Variants in HMCN1 observed in about 807,000 individuals in gnomAD.
HMCN1 encodes hemicentin-1.
HMCN1 carries 321 observed loss-of-function variants against 625.9 expected under a neutral mutation model. That is an observed-to-expected ratio of 0.51 (90% CI 0.47 to 0.56). The LOEUF (loss-of-function observed/expected upper bound fraction) is 0.56. Ranked by LOEUF, HMCN1 falls within the 20% of genes least tolerant of loss-of-function variation. The probability of loss-of-function intolerance (pLI) is 0.00; values close to 1 mark genes in which losing one functional copy is unlikely to be tolerated. For missense variants in HMCN1, 6,588 were observed against 6,887.3 expected (o/e 0.96, Z 1.54); for synonymous variants, 2,425 against 2,417.6 (o/e 1.00, Z -0.09).
chr1:186,052,861 A>G (rs535716053), intron 42 of HMCN1, 91 bp from the exon 43 acceptor site: 1 of 1,103,986 alleles, frequency 9.1e-7, no homozygotes, highest in South Asian at 1.3e-5. Flanking sequence ...TCCTTATGTC[A>G]TTTGAGTAGA....
At chr1:185,964,548 A>G (rs1650258717) in intron 13 of HMCN1, among the ~76,000 whole-genome samples, 1 of 152,140 alleles carries the variant, frequency 6.6e-6, no homozygotes, top group South Asian at 2.1e-4. Context: ...TAATAAAGAT[A>G]GAGAATTGTA....
intron 1 of HMCN1, among the ~76,000 whole-genome samples, chr1:185,741,151 A>C (rs1365954518): frequency 6.6e-6 from 1 of 152,154 alleles, no homozygotes; most frequent in Non-Finnish European, 1.5e-5. Context: ...TGAGGCCCTC[A>C]CCAGATGCAG....
intron 97 of HMCN1, among the ~76,000 whole-genome samples, chr1:186,161,496 A>T (rs2102605845): frequency 6.6e-6 from 1 of 151,874 alleles, no homozygotes; most frequent in Non-Finnish European, 1.5e-5. Context: ...TCGTTAGTTG[A>T]TGCAGTTTCT....
At chr1:185,885,128 A>C (rs898317362) in intron 4 of HMCN1, among the ~76,000 whole-genome samples, 1 of 151,548 alleles carries the variant, frequency 6.6e-6, no homozygotes, top group Non-Finnish European at 1.5e-5. Flanking sequence ...GAGAACTGTG[A>C]AAAGTTGGAG....
intron 1 of HMCN1, among the ~76,000 whole-genome samples, chr1:185,835,109 A>G (rs1438961688): frequency 6.6e-6 from 1 of 152,208 alleles, no homozygotes; most frequent in East Asian, 1.9e-4. Flanking sequence ...TGGTTTGAGT[A>G]CAGATCATAC....
At chr1:185,769,159 T>C (rs925644545) in intron 1 of HMCN1, among the ~76,000 whole-genome samples, 3 of 152,044 alleles carry the variant, frequency 2.0e-5, no homozygotes, top group Admixed American at 6.6e-5. Context: ...TGTAAGACTT[T>C]ATAATAGGCC....
intron 20 of HMCN1, among the ~76,000 whole-genome samples, chr1:185,988,415 T>C (rs1224506301): frequency 1.3e-5 from 2 of 152,228 alleles, no homozygotes; most frequent in African/African-American, 4.8e-5. Flanking sequence ...ATTTGTATAA[T>C]TAGCACTACT....
At chr1:186,013,531 C>T (rs1407439562) in intron 30 of HMCN1, among the ~76,000 whole-genome samples, 1 of 152,098 alleles carries the variant, frequency 6.6e-6, no homozygotes, top group East Asian at 1.9e-4. Context: ...TATTAAGGTA[C>T]ACCACTCAGC....
intron 18 of HMCN1, among the ~76,000 whole-genome samples, chr1:185,983,226 C>T (rs1651774957): frequency 6.6e-6 from 1 of 151,748 alleles, no homozygotes; most frequent in Middle Eastern, 3.2e-3. Flanking sequence ...GAAATTTTTT[C>T]TGTAAATAAG....
Position 186,156,718 on chromosome 1 carries a change from A to C in HMCN1, c.15256+2731A>C, listed in dbSNP as rs145081049. Among the ~76,000 whole-genome samples the C allele has an allele frequency of 1.4e-3, 216 of 152,366 alleles. 2 individuals are homozygous for C. Among genetic ancestry groups the C allele is most frequent in the African/African-American group, 4.8e-3 (201 of 41,588 alleles). ...AGTTTTATCCACTGTTATTTATAAT[A>C]GAAAAATATTAAATATCCTCAAAGT... On this transcript the variant is annotated intron_variant, in intron 97 of 106. Transcript: ENST00000271588.
intron 1 of HMCN1, among the ~76,000 whole-genome samples, chr1:185,806,642 C>T (rs776581103): frequency 2.7e-4 from 41 of 150,860 alleles, no homozygotes; most frequent in Middle Eastern, 3.2e-3. Context: ...GATCCATTTT[C>T]GAACCAAGCA....
intron 1 of HMCN1, among the ~76,000 whole-genome samples, chr1:185,770,493 A>T (rs1192815282): frequency 6.6e-6 from 1 of 152,136 alleles, no homozygotes; most frequent in Non-Finnish European, 1.5e-5. Context: ...GCTAGCTATG[A>T]TTTTCTTGTC....
chr1:186,099,407 T>C (rs1660288221), intron 68 of HMCN1, among the ~76,000 whole-genome samples: 1 of 152,088 alleles, frequency 6.6e-6, no homozygotes, highest in African/African-American at 2.4e-5. Context: ...GATGACATAA[T>C]GTGATCCTGT....
intron 105 of HMCN1, among the ~76,000 whole-genome samples, chr1:186,186,522 G>A (rs1279345992): frequency 2.6e-5 from 4 of 152,096 alleles, no homozygotes; most frequent in African/African-American, 4.8e-5. Context: ...GTGAGACTCC[G>A]TCTCAAAAAA....
At chr1:185,908,338 TG>T (rs1468217973) in intron 4 of HMCN1, among the ~76,000 whole-genome samples, 2 of 152,056 alleles carry the variant, frequency 1.3e-5, no homozygotes, top group Admixed American at 6.6e-5. Context: ...AAAATGTTTT[TG>T]TTTATCATTA....
At chr1:185,773,947 G>C (rs1359115661) in intron 1 of HMCN1, among the ~76,000 whole-genome samples, 1 of 152,080 alleles carries the variant, frequency 6.6e-6, no homozygotes, top group African/African-American at 2.4e-5. Context: ...AATTATGAGT[G>C]TGAGAATAAG....
intron 15 of HMCN1, among the ~76,000 whole-genome samples, chr1:185,975,219 C>T (rs536133723): frequency 3.6e-4 from 55 of 152,212 alleles, no homozygotes; most frequent in African/African-American, 1.1e-3. Context: ...TTAGAGACTT[C>T]GTGTATTCGT....
At chr1:185,887,491 T>C (rs902237808) in intron 4 of HMCN1, among the ~76,000 whole-genome samples, 16 of 146,234 alleles carry the variant, frequency 1.1e-4, no homozygotes, top group East Asian at 8.7e-4. Context: ...CAGAGTGTGA[T>C]TTTCCCCTTC....
chr1:186,141,466 G>T (rs1367827758), intron 89 of HMCN1, among the ~76,000 whole-genome samples: 1 of 152,036 alleles, frequency 6.6e-6, no homozygotes, highest in Non-Finnish European at 1.5e-5. Flanking sequence ...TACTTTCCCT[G>T]CCCCAGTTAG....
Sources: gnomAD v4.1 joint callset for allele counts (sites outside exome capture counted in the v4.1 genomes callset) on GRCh38, gnomAD v4.1.1 for gene constraint, MANE v1.5 for transcripts, NCBI Gene and HGNC (gene_info 2026-07-23, HGNC 2026-07-21) for gene names.